USP4: variants seen among roughly 807,000 people sequenced by gnomAD.
The protein encoded by USP4 is ubiquitin specific peptidase 4, also known as ubiquitin carboxyl-terminal hydrolase 4.
Under a neutral mutation model 118.2 loss-of-function variants are expected in USP4, and 72 were observed. That is an observed-to-expected ratio of 0.61 (90% CI 0.50 to 0.74). The LOEUF (loss-of-function observed/expected upper bound fraction) is 0.74. Among genes scored for constraint, USP4 ranks in the 30% least tolerant of loss-of-function variants. USP4 has a pLI of 0.00. For synonymous variants in USP4, 415 were observed against 440.4 expected, an observed-to-expected ratio of 0.94 and a Z score of 0.72; for missense variants, 1,037 against 1,185.7, an observed-to-expected ratio of 0.87 and a Z score of 1.84.
rs1406629971 is a variant in USP4 at position 49,277,260 on chromosome 3, G to A, written c.*1033C>T. ...CCCGCGCAGGCCCCAAACCCCCACG[G>A]ATTAGGTTGAAGGTCAGACAAAAAA... On this transcript the variant is annotated 3_prime_UTR_variant, in exon 22 of 22. Coordinates refer to ENST00000265560, the MANE Select transcript of USP4 (RefSeq NM_003363.4). 7.7e-7 allele frequency: 1 copy of A among 1,295,146 alleles called. No individual in the cohort carries two copies. The highest frequency in any genetic ancestry group is 1.0e-6 in the Non-Finnish European group (1 of 992,144). 80.2% of individuals were successfully genotyped at this position (1,295,146 alleles called of 1,614,324 possible).
At chr3:49,291,185 C>T (rs528503118) in intron 15 of USP4, among the ~76,000 whole-genome samples, 3 of 150,496 alleles carry the variant, frequency 2.0e-5, no homozygotes, top group Non-Finnish European at 4.4e-5. Context: ...AGGATAGTTT[C>T]GATCTCCTGA....
At chr3:49,333,882 G>A (rs956859627) in intron 2 of USP4, among the ~76,000 whole-genome samples, 3 of 152,116 alleles carry the variant, frequency 2.0e-5, no homozygotes, top group African/African-American at 7.2e-5. Context: ...AGCCGGGCGT[G>A]GTGGCACATG....
intron 10 of USP4, among the ~76,000 whole-genome samples, chr3:49,301,079 A>G (rs960715644): frequency 6.6e-6 from 1 of 152,080 alleles, no homozygotes; most frequent in African/African-American, 2.4e-5. Context: ...AGCTAGGACT[A>G]TAGGCATGCA....
intron 2 of USP4, among the ~76,000 whole-genome samples, chr3:49,330,486 C>T (rs929634558): frequency 5.2e-4 from 79 of 151,858 alleles, no homozygotes; most frequent in South Asian, 1.2e-3. Flanking sequence ...CGCCACCACA[C>T]CCGGTTAATT....
intron 1 of USP4, among the ~76,000 whole-genome samples, chr3:49,337,959 T>G (rs2047687748): frequency 7.4e-6 from 1 of 136,038 alleles, no homozygotes; most frequent in Non-Finnish European, 1.5e-5. Flanking sequence ...AGCAGGAGAA[T>G]CGCTTGAACC....
At chr3:49,320,437 C>T (rs559777728) in intron 6 of USP4, among the ~76,000 whole-genome samples, 1 of 128,310 alleles carries the variant, frequency 7.8e-6, no homozygotes. Flanking sequence ...AGTGAAACTC[C>T]ATCTCAAACA....
At chr3:49,314,495 C>G (rs1286999555) in intron 6 of USP4, among the ~76,000 whole-genome samples, 2 of 152,192 alleles carry the variant, frequency 1.3e-5, no homozygotes, top group Non-Finnish European at 2.9e-5. Context: ...TGCATGTGTT[C>G]AATCCTGTCC....
Position 49,301,443 on chromosome 3 carries a change from T to C in USP4, c.1288-752A>G, listed in dbSNP as rs1272540771. Among the ~76,000 whole-genome samples, 3 of 152,212 alleles carry C rather than the reference T, an allele frequency of 2.0e-5. No homozygotes were observed. The East Asian group carries it at 5.8e-4, about 29-fold the overall frequency. ...TGGCTGACGCCTGAAATCCCAGCAC[T>C]TTGGGAGGCCGAAGCAGGCGGATCA... On this transcript the variant is annotated intron_variant, in intron 10 of 21. Transcript: ENST00000265560.
rs948998337 is a variant in USP4 at position 49,277,368 on chromosome 3, C to G, written c.*925G>C. Reference sequence around the variant, plus strand: ...GCGGTGGGAGTGGGGACGGGGCTTTCGAATGGGGGCCCCGGGAAGAGTCTT... The same window carrying G: ...GCGGTGGGAGTGGGGACGGGGCTTTGGAATGGGGGCCCCGGGAAGAGTCTT... On this transcript the variant is annotated 3_prime_UTR_variant, in exon 22 of 22. Coordinates refer to ENST00000265560, the MANE Select transcript of USP4 (RefSeq NM_003363.4). The G allele has an allele frequency of 4.9e-6, 3 of 613,664 alleles. No homozygotes were observed. Among genetic ancestry groups the G allele is most frequent in the African/African-American group, 2.0e-5 (1 of 50,794 alleles). 38.0% of individuals were successfully genotyped at this position (613,664 alleles called of 1,614,324 possible). A position where few individuals can be genotyped will look rare whatever the true frequency, so the allele number is the denominator to read the frequency against.
intron 3 of USP4, among the ~76,000 whole-genome samples, chr3:49,326,304 G>A (rs1459719889): frequency 2.6e-5 from 4 of 151,990 alleles, no homozygotes; most frequent in African/African-American, 4.8e-5. Context: ...GCGACAGAGC[G>A]AGACTCTGTA....
At chr3:49,295,288 C>CAAAGAAAAAA (rs2047191568) in intron 13 of USP4, among the ~76,000 whole-genome samples, 1 of 11,928 alleles carries the variant, frequency 8.4e-5, no homozygotes, top group African/African-American at 2.7e-4. Context: ...GACTCCATCT[C>CAAAGAAAAAA]AAAAAAAAAA....
chr3:49,299,417 G>A (rs1045024162), intron 11 of USP4, among the ~76,000 whole-genome samples: 2 of 130,548 alleles, frequency 1.5e-5, no homozygotes, highest in Admixed American at 8.0e-5. Flanking sequence ...TTTTGAGACG[G>A]AGTCTCGCTC....
intron 15 of USP4, among the ~76,000 whole-genome samples, chr3:49,289,636 C>T (rs2047131506): frequency 2.0e-5 from 3 of 151,990 alleles, no homozygotes; most frequent in African/African-American, 7.2e-5. Context: ...TTTGGGAAGC[C>T]GAGGTGTATG....
At chr3:49,283,002 C>A (rs563252652) in intron 19 of USP4, among the ~76,000 whole-genome samples, 1 of 141,730 alleles carries the variant, frequency 7.1e-6, no homozygotes, top group East Asian at 2.1e-4. Context: ...GCCACTGTGC[C>A]GGCCTCTTTT....
chr3:49,287,627 C>T (rs1388860644), intron 15 of USP4, among the ~76,000 whole-genome samples: 3 of 152,100 alleles, frequency 2.0e-5, no homozygotes, highest in Admixed American at 2.0e-4. Flanking sequence ...CACGCACCAC[C>T]ACGCCCAGCT....
At chr3:49,324,843 C>G in intron 5 of USP4, 51 bp downstream of exon 5, 1 of 1,613,960 alleles carries the variant, frequency 6.2e-7, no homozygotes, top group African/African-American at 1.3e-5. Context: ...AGTATCTGGC[C>G]ACACACCCTG....
At position 49,302,436 on chromosome 3, in the gene USP4, A is replaced by C. The variant is rs1156493192; in HGVS notation, c.1235T>G (p.Val412Gly). 7.4e-6 allele frequency: 12 copies of C among 1,613,978 alleles called. No individual in the cohort carries two copies. Among genetic ancestry groups the C allele is most frequent in the Non-Finnish European group, 1.0e-5 (12 of 1,180,016 alleles). ...CAGCTCCAAGTAGGGCTTTTTCTTT[A>C]CCCGGTTCAGATCTTCATGCAATCC... The part of the protein sequence containing the change: ...LDGLHEDLNR[V>G]KKKPYLELKD... Residue 412 changes from valine to glycine, a missense_variant, in exon 10 of 22, where the codon GTA becomes GGA. Around this residue, in one of 3 missense-constraint regions of USP4, gnomAD observed 487 missense variants for 534.1 expected, o/e 0.91. Coordinates refer to ENST00000265560, the MANE Select transcript of USP4 (RefSeq NM_003363.4).
In USP4 at chr3:49,309,967, G is replaced by A. The variant is rs1396868941; in HGVS notation, c.954+653C>T. Among the ~76,000 whole-genome samples the A allele has an allele frequency of 1.9e-3, 3 of 1,558 alleles. No homozygotes were observed. The South Asian group carries it at 0.083, about 43-fold the overall frequency. The allele number at this position is 1,558 out of a possible 152,430, so 1.0% of individuals were successfully genotyped here. ...TCTTTTTTTTTTTTTTTTTTTTTTT[G>A]AGACAGAGTCTCACTCTGTTGCCCA... On this transcript the variant is annotated intron_variant, in intron 8 of 21. Coordinates refer to ENST00000265560, the MANE Select transcript of USP4 (RefSeq NM_003363.4).
intron 6 of USP4, among the ~76,000 whole-genome samples, chr3:49,324,420 G>A (rs1343433403): frequency 6.6e-6 from 1 of 152,208 alleles, no homozygotes; most frequent in Non-Finnish European, 1.5e-5. Context: ...CCTCCTGGTA[G>A]AGCAGCAACC....
Sources: gnomAD v4.1 joint callset for allele counts (sites outside exome capture counted in the v4.1 genomes callset) on GRCh38, gnomAD v4.1.1 for gene constraint, gnomAD v4.1.1 regional missense constraint, MANE v1.5 for transcripts, NCBI Gene and HGNC (gene_info 2026-07-23, HGNC 2026-07-21) for gene names.